The following CNR1 variants were observed in gnomAD, a reference collection of about 807,000 sequenced individuals.
CNR1 encodes cannabinoid receptor 1 (brain).
A neutral mutation model predicts 23.0 loss-of-function variants in CNR1; 10 were observed. The ratio of observed to expected loss-of-function variants is 0.43; its 90% confidence interval spans 0.27 to 0.74. The LOEUF (loss-of-function observed/expected upper bound fraction) is 0.74, where lower values mean the gene tolerates loss of function less well. CNR1 is among the 30% of genes least tolerant of loss of function. The pLI is 0.19. For missense variants in CNR1, 422 were observed against 618.8 expected (o/e 0.68, Z 3.37); for synonymous variants, 271 against 255.2 (o/e 1.06, Z -0.59).
chr6:88,165,518 G>A (rs1011752979), intron 1 of CNR1, among the ~76,000 whole-genome samples: 1 of 152,140 alleles, frequency 6.6e-6, no homozygotes, highest in Non-Finnish European at 1.5e-5. Context: ...CAACTCAAGC[G>A]CCCGTTTTTC....
intron 1 of CNR1, among the ~76,000 whole-genome samples, chr6:88,162,041 T>C (rs979626378): frequency 6.6e-6 from 1 of 152,220 alleles, no homozygotes; most frequent in Non-Finnish European, 1.5e-5. Flanking sequence ...GATAAAATTA[T>C]AATCAAATGT....
intron 1 of CNR1, among the ~76,000 whole-genome samples, chr6:88,164,577 G>T (rs537236690): frequency 1.3e-5 from 2 of 152,212 alleles, no homozygotes; most frequent in African/African-American, 4.8e-5. Flanking sequence ...AGCGGGGGAG[G>T]GGGAGGAGTA....
upstream of CNR1, among the ~76,000 whole-genome samples, chr6:88,166,844 G>C (rs1288026944): frequency 1.3e-5 from 2 of 151,978 alleles, no homozygotes; most frequent in African/African-American, 4.8e-5. Context: ...CGGGCCCGGG[G>C]GTGCGGTCTC....
rs1473307231 is a variant in CNR1 at position 88,141,857 on chromosome 6, T to A, written c.*1999A>T. On this transcript the variant is annotated 3_prime_UTR_variant, in exon 2 of 2. Transcript: ENST00000369501. ...GCTTGGGTATCTCGAGAGCTAGAAATCACCAGATAGATGCCAGCTCTGTAC... is the reference window on the plus strand; with the variant it reads ...GCTTGGGTATCTCGAGAGCTAGAAAACACCAGATAGATGCCAGCTCTGTAC... 2 of 152,308 alleles carry A rather than the reference T, an allele frequency of 1.3e-5. No homozygotes were observed. The highest frequency in any genetic ancestry group is 2.9e-5 in the Non-Finnish European group (2 of 68,060). The allele number at this position is 152,308 out of a possible 1,614,324, so 9.4% of individuals were successfully genotyped here.
At chr6:88,145,417 A>G (rs142910458) in intron 1 of CNR1, 80 bp from the exon 2 acceptor site, 5 of 674,306 alleles carry the variant, frequency 7.4e-6, no homozygotes, top group African/African-American at 3.6e-5. Context: ...AATGTGGCAA[A>G]TGTACTGTCA....
chr6:88,143,920 C>G lies in CNR1; in HGVS notation c.1355G>C (p.Ser452Thr), dbSNP rs756483875. ...VHRAAESCIK[S>T]TVKIAKVTMS... ...GGTTACCTTGGCAATCTTGACCGTG[C>G]TCTTGATGCAGCTTTCTGCGGCCCT... is the stretch of plus-strand genomic sequence containing the variant. The change falls in exon 2 of 2, where the codon AGC (serine) becomes ACC (threonine). Residue 452 changes from serine (S) to threonine (T), a missense_variant. Ser to Thr is a moderately conservative substitution (Grantham distance 58, BLOSUM62 1). This residue lies in a region of CNR1 where 79 missense variants were observed against 98.0 expected (regional missense o/e 0.81). Coordinates refer to ENST00000369501, the MANE Select transcript of CNR1 (RefSeq NM_016083.6). 1 of 1,614,132 alleles carries G rather than the reference C, an allele frequency of 6.2e-7. No individual in the cohort carries two copies. The highest frequency in any genetic ancestry group is 1.1e-5 in the South Asian group (1 of 91,076).
chr6:88,154,122 T>G (rs963238474), intron 1 of CNR1, among the ~76,000 whole-genome samples: 1 of 152,246 alleles, frequency 6.6e-6, no homozygotes, highest in African/African-American at 2.4e-5. Flanking sequence ...CAGTTTTTCA[T>G]ATATTTTGTA....
intron 1 of CNR1, among the ~76,000 whole-genome samples, chr6:88,157,665 G>A (rs1777874064): frequency 6.6e-6 from 1 of 152,160 alleles, no homozygotes; most frequent in Non-Finnish European, 1.5e-5. Flanking sequence ...TAAACCAAGA[G>A]ATGTTAAAAG....
At position 88,143,973 on chromosome 6, in the gene CNR1, T is replaced by G. The variant is rs777759836; in HGVS notation, c.1302A>C (p.Lys434Asn). The change falls in exon 2 of 2, where the codon AAA (lysine) becomes AAC (asparagine). Residue 434 changes from lysine to asparagine, a missense_variant. This residue lies in a region of CNR1 where 79 missense variants were observed against 98.0 expected (regional missense o/e 0.81). Transcript: ENST00000369501. ...NSMGDSDCLH[K>N]HANNAASVHR... Reference sequence around the variant, plus strand: ...GAACACTGGCTGCATTGTTTGCGTGTTTGTGCAGGCAGTCCGAGTCCCCCA... The same window carrying G: ...GAACACTGGCTGCATTGTTTGCGTGGTTGTGCAGGCAGTCCGAGTCCCCCA... 6.2e-7 allele frequency: 1 copy of G among 1,614,112 alleles called. No individual in the cohort carries two copies. The highest frequency in any genetic ancestry group is 8.5e-7 in the Non-Finnish European group (1 of 1,180,038).
At chr6:88,150,540 C>T (rs1466622048) in intron 1 of CNR1, among the ~76,000 whole-genome samples, 1 of 152,094 alleles carries the variant, frequency 6.6e-6, no homozygotes. Flanking sequence ...TATATAAAAC[C>T]TCTCTCTTCA....
chr6:88,148,120 C>A (rs772147879), intron 1 of CNR1, among the ~76,000 whole-genome samples: 1 of 152,204 alleles, frequency 6.6e-6, no homozygotes, highest in Non-Finnish European at 1.5e-5. Flanking sequence ...GTTCCATAAA[C>A]ACAGCAAATT....
chr6:88,167,159 C>A (rs1301624898), upstream of CNR1, among the ~76,000 whole-genome samples: 9 of 152,204 alleles, frequency 5.9e-5, no homozygotes, highest in Non-Finnish European at 8.8e-5. Context: ...CGCGCCCCCT[C>A]CCCGGCCACC....
At chr6:88,163,021 ACTGAG>A (rs1778185776) in intron 1 of CNR1, 1 of 152,210 alleles carries the variant, frequency 6.6e-6, no homozygotes, top group African/African-American at 2.4e-5. Context: ...TCTTTATGCA[ACTGAG>A]CTAACATGGA....
chr6:88,154,416 T>C (rs1777689155), intron 1 of CNR1, among the ~76,000 whole-genome samples: 2 of 152,234 alleles, frequency 1.3e-5, no homozygotes, highest in South Asian at 4.1e-4. Context: ...CAAAGCCTCT[T>C]GAATTAATGA....
At chr6:88,153,344 G>T (rs557735829) in intron 1 of CNR1, among the ~76,000 whole-genome samples, 1 of 151,966 alleles carries the variant, frequency 6.6e-6, no homozygotes, top group Non-Finnish European at 1.5e-5. Flanking sequence ...AACCACAAAG[G>T]GTTTAAAATG....
Position 88,143,565 on chromosome 6 carries a change from T to C in CNR1, c.*291A>G. The C allele has an allele frequency of 3.3e-6, 1 of 305,256 alleles. No homozygotes were observed. The highest frequency in any genetic ancestry group is 6.1e-6 in the Non-Finnish European group (1 of 164,870). The allele number at this position is 305,256 out of a possible 1,614,324, so 18.9% of individuals were successfully genotyped here. On this transcript the variant is annotated 3_prime_UTR_variant, in exon 2 of 2. Transcript: ENST00000369501. ...TTTGATGGCATTTTTCCATGGGTTC[T>C]TAGACTTCCAATTGTGTAGCCAAAG...
chr6:88,146,351 C>T (rs958214969), intron 1 of CNR1, among the ~76,000 whole-genome samples: 14 of 152,306 alleles, frequency 9.2e-5, no homozygotes, highest in African/African-American at 3.1e-4. Context: ...GGTGATCCAC[C>T]TGCCTCGGCC....
upstream of CNR1, chr6:88,166,502 T>G (rs1037758613): frequency 7.2e-5 from 11 of 152,392 alleles, no homozygotes; most frequent in African/African-American, 2.7e-4. Context: ...CAAACTTTGC[T>G]TGGGGCGGGG....
At chr6:88,155,478 G>A (rs1777745029) in intron 1 of CNR1, among the ~76,000 whole-genome samples, 1 of 152,190 alleles carries the variant, frequency 6.6e-6, no homozygotes, top group African/African-American at 2.4e-5. Context: ...ACAGGGCAGA[G>A]CTGGAAATTT....
Sources: gnomAD v4.1 joint callset for allele counts (sites outside exome capture counted in the v4.1 genomes callset) on GRCh38, gnomAD v4.1.1 for gene constraint, gnomAD v4.1.1 regional missense constraint, MANE v1.5 for transcripts, NCBI Gene and HGNC (gene_info 2026-07-23, HGNC 2026-07-21) for gene names.